The following AKAP12 variants were observed in gnomAD, a reference collection of about 807,000 sequenced individuals.
The protein encoded by AKAP12 is A-kinase anchor protein 12.
A neutral mutation model predicts 79.9 loss-of-function variants in AKAP12; 32 were observed. That is an observed-to-expected ratio of 0.40 (90% CI 0.30 to 0.54). AKAP12 has a LOEUF of 0.54. Ranked by LOEUF, AKAP12 falls within the 20% of genes least tolerant of loss-of-function variation. AKAP12 has a pLI of 0.48. For missense variants in AKAP12, 2,074 were observed against 2,177.0 expected (o/e 0.95, Z 0.94); for synonymous variants, 808 against 857.0 (o/e 0.94, Z 1.00).
intron 2 of AKAP12, among the ~76,000 whole-genome samples, chr6:151,247,453 A>G (rs1159359925): frequency 6.6e-6 from 1 of 152,170 alleles, no homozygotes; most frequent in Non-Finnish European, 1.5e-5. Flanking sequence ...TTCCCCAGAA[A>G]TTAATCAAAT....
chr6:151,315,030 C>T (rs1262014146), intron 3 of AKAP12, among the ~76,000 whole-genome samples: 5 of 145,330 alleles, frequency 3.4e-5, no homozygotes, highest in African/African-American at 1.0e-4. Flanking sequence ...CCACCCTGGG[C>T]AACAGAGTGA....
chr6:151,328,040 A>T (rs1432082832), intron 3 of AKAP12, among the ~76,000 whole-genome samples: 3 of 152,202 alleles, frequency 2.0e-5, no homozygotes, highest in Non-Finnish European at 4.4e-5. Context: ...AAAAATTGAC[A>T]GTAACAACCG....
chr6:151,346,408 CT>C (rs1778104089), intron 3 of AKAP12, among the ~76,000 whole-genome samples: 1 of 152,216 alleles, frequency 6.6e-6, no homozygotes, highest in Non-Finnish European at 1.5e-5. Context: ...GCAGACAATC[CT>C]TTTGTGTTTC....
At chr6:151,244,782 A>G (rs549301228) in intron 2 of AKAP12, among the ~76,000 whole-genome samples, 19 of 152,354 alleles carry the variant, frequency 1.2e-4, no homozygotes, top group African/African-American at 4.3e-4. Flanking sequence ...CCAGATTATA[A>G]GAGCTGCTAA....
In AKAP12 at chr6:151,261,819, G is replaced by T. The variant is rs371295269; in HGVS notation, c.162+21095G>T. Among the ~76,000 whole-genome samples the T allele has an allele frequency of 3.3e-5, 5 of 150,364 alleles. No homozygotes were observed. In the East Asian group the frequency reaches 8.0e-4, roughly 24 times the overall value. ...GTTCCCCAGGGTGGAGTGCAATGGC[G>T]TGAGCTCGGCTCACTGCAACCTCCT... On this transcript the variant is annotated intron_variant, in intron 2 of 4. Transcript: ENST00000402676.
chr6:151,270,991 G>C (rs1421270670), intron 2 of AKAP12, among the ~76,000 whole-genome samples: 4 of 152,190 alleles, frequency 2.6e-5, no homozygotes, highest in Admixed American at 1.3e-4. Flanking sequence ...TATTTGGATA[G>C]AGTTACTGCT....
chr6:151,326,800 CTTT>C (rs936866818), intron 3 of AKAP12, among the ~76,000 whole-genome samples: 4 of 123,476 alleles, frequency 3.2e-5, no homozygotes, highest in South Asian at 3.0e-4. Context: ...GCTGCCAAAT[CTTT>C]TTTTTTGTTT....
chr6:151,287,848 A>T lies in AKAP12; in HGVS notation c.163-17899A>T, dbSNP rs546763414. Among the ~76,000 whole-genome samples, 5 of 152,332 alleles carry T rather than the reference A, an allele frequency of 3.3e-5. No individual in the cohort carries two copies. The East Asian group carries it at 9.7e-4, about 29-fold the overall frequency. ...ATCAATGATAGACTGGATAAAGGAA[A>T]TGTGGCACATATACACCACGGAATA... On this transcript the variant is annotated intron_variant, in intron 2 of 4. Coordinates refer to ENST00000402676, the MANE Select transcript of AKAP12 (RefSeq NM_005100.4).
At chr6:151,289,108 CT>C (rs945015468) in intron 2 of AKAP12, among the ~76,000 whole-genome samples, 3 of 152,088 alleles carry the variant, frequency 2.0e-5, no homozygotes, top group African/African-American at 4.8e-5. Context: ...ATAGGTTTTT[CT>C]TTTCTTTTTA....
rs750036285 is a variant in AKAP12, at chr6:151,348,711, T to C, written c.320T>C (p.Val107Ala). 4.1e-6 allele frequency: 3 copies of C among 736,642 alleles called. No individual in the cohort carries two copies. The highest frequency in any genetic ancestry group is 2.7e-5 in the Admixed American group (1 of 36,638). The allele number at this position is 736,642 out of a possible 1,614,324, so 45.6% of individuals were successfully genotyped here. A position where few individuals can be genotyped will look rare whatever the true frequency, so the allele number is the denominator to read the frequency against. Residue 107 changes from valine to alanine, a missense_variant and splice_region_variant, in exon 4 of 5, where the codon GTT becomes GCT. This residue lies in a region of AKAP12 where 1,428 missense variants were observed against 1,451.0 expected (regional missense o/e 0.98). Coordinates refer to ENST00000402676, the MANE Select transcript of AKAP12 (RefSeq NM_005100.4). ...CCCCCCCGCCCCTTTTTGTTAATAG[T>C]TGGACAGAGAGACTCTGAAGATGTG... ...QEEEEVIVTE[V>A]GQRDSEDVSK... is the part of the protein sequence containing the mutation.
At chr6:151,258,816 CAG>C (rs1172331240) in intron 2 of AKAP12, among the ~76,000 whole-genome samples, 1 of 151,480 alleles carries the variant, frequency 6.6e-6, no homozygotes, top group Admixed American at 6.6e-5. Flanking sequence ...TTAGTAGAGA[CAG>C]GGTTTCACCA....
intron 2 of AKAP12, among the ~76,000 whole-genome samples, chr6:151,248,703 T>C (rs1421341244): frequency 6.6e-6 from 1 of 152,150 alleles, no homozygotes; most frequent in Non-Finnish European, 1.5e-5. Flanking sequence ...AAAAAGTGGG[T>C]TGCTGGCCGG....
At chr6:151,279,001 G>A (rs1776346279) in intron 2 of AKAP12, among the ~76,000 whole-genome samples, 1 of 152,168 alleles carries the variant, frequency 6.6e-6, no homozygotes, top group South Asian at 2.1e-4. Flanking sequence ...ATAGAACAAT[G>A]GTTTTTAAAG....
intron 2 of AKAP12, among the ~76,000 whole-genome samples, chr6:151,259,391 A>C (rs1240803740): frequency 6.7e-6 from 1 of 149,562 alleles, no homozygotes; most frequent in Non-Finnish European, 1.5e-5. Context: ...CCTTCTTTTA[A>C]AAAATAGCAT....
intron 3 of AKAP12, among the ~76,000 whole-genome samples, chr6:151,323,369 G>A (rs550541493): frequency 3.4e-4 from 52 of 152,248 alleles, no homozygotes; most frequent in African/African-American, 9.1e-4. Flanking sequence ...TGGCCAACAC[G>A]GTGAAACCCC....
chr6:151,256,627 C>T (rs1333941565), intron 2 of AKAP12, among the ~76,000 whole-genome samples: 1 of 151,880 alleles, frequency 6.6e-6, no homozygotes, highest in Non-Finnish European at 1.5e-5. Flanking sequence ...TGTATATACA[C>T]ATGTATAAAT....
chr6:151,351,884 A>AC lies in AKAP12; in HGVS notation c.3497dup (p.Thr1167TyrfsTer4). 6.2e-7 allele frequency: 1 copy of AC among 1,614,018 alleles called. No individual in the cohort carries two copies. The highest frequency in any genetic ancestry group is 1.1e-5 in the South Asian group (1 of 91,058). ...GGCTATCCCCCCTGACTCGGTGGAAACCCCTACAGACAGTGAGACTGATGG... is the reference window on the plus strand; with the variant it reads ...GGCTATCCCCCCTGACTCGGTGGAAACCCCCTACAGACAGTGAGACTGATGG... On this transcript the variant is annotated frameshift_variant, in exon 4 of 5. Coordinates refer to ENST00000402676, the MANE Select transcript of AKAP12 (RefSeq NM_005100.4). LOFTEE classifies it low-confidence loss of function (END_TRUNC). This position sits in a 1 kb window ranked among gnomAD's most constrained non-coding sequence, Gnocchi z 4.4.
chr6:151,272,009 C>T (rs979982106), intron 2 of AKAP12, among the ~76,000 whole-genome samples: 4 of 152,066 alleles, frequency 2.6e-5, no homozygotes, highest in African/African-American at 9.7e-5. Flanking sequence ...ATTCAAACTT[C>T]CTCTGTTAAC....
intron 2 of AKAP12, among the ~76,000 whole-genome samples, chr6:151,304,225 C>T (rs1295195245): frequency 6.6e-6 from 1 of 151,964 alleles, no homozygotes; most frequent in Non-Finnish European, 1.5e-5. Flanking sequence ...CACAGTGGCT[C>T]ACACCTGTAA....
Sources: allele counts gnomAD v4.1 joint callset (sites outside exome capture counted in the v4.1 genomes callset), GRCh38; gene constraint gnomAD v4.1.1; regional missense constraint gnomAD v4.1.1; non-coding constraint Gnocchi (gnomAD v3.1); transcripts MANE v1.5; gene names NCBI Gene and HGNC (gene_info 2026-07-23, HGNC 2026-07-21).